The following OPRM1 variants were observed in gnomAD, a reference collection of about 807,000 sequenced individuals.
OPRM1 encodes the protein mu-type opioid receptor.
OPRM1 carries 27 observed loss-of-function variants against 31.8 expected under a neutral mutation model. That is an observed-to-expected ratio of 0.85 (90% CI 0.63 to 1.17). The LOEUF is 1.17. Among genes scored for constraint, OPRM1 ranks in the 50% most tolerant of loss-of-function variants. The probability of loss-of-function intolerance (pLI) is 0.00; values close to 1 mark genes in which losing one functional copy is unlikely to be tolerated. For synonymous variants in OPRM1, 196 were observed against 189.9 expected, an observed-to-expected ratio of 1.03 and a Z score of -0.26; for missense variants, 536 against 511.1, an observed-to-expected ratio of 1.05 and a Z score of -0.47.
chr6:154,065,575 T>A (rs1346521343), intron 1 of OPRM1, among the ~76,000 whole-genome samples: 1 of 152,248 alleles, frequency 6.6e-6, no homozygotes, highest in Non-Finnish European at 1.5e-5. Context: ...TCATTGTGAA[T>A]GTATAGAAAT....
chr6:154,180,777 T>C (rs1800806402), intron 3 of OPRM1, among the ~76,000 whole-genome samples: 1 of 152,232 alleles, frequency 6.6e-6, no homozygotes, highest in South Asian at 2.1e-4. Flanking sequence ...GGAATTCATA[T>C]GCCATATTTC....
intron 1 of OPRM1, among the ~76,000 whole-genome samples, chr6:154,040,370 TACC>T (rs1353660720): frequency 6.6e-6 from 1 of 152,172 alleles, no homozygotes; most frequent in Non-Finnish European, 1.5e-5. Flanking sequence ...TACTTCCCTG[TACC>T]ACAACCCCAC....
At chr6:154,207,178 G>A (rs1583797953) in intron 3 of OPRM1, among the ~76,000 whole-genome samples, 1 of 152,232 alleles carries the variant, frequency 6.6e-6, no homozygotes, top group African/African-American at 2.4e-5. Context: ...GAGAGGCTGG[G>A]GGAGAGCCAC....
At chr6:154,087,163 T>A in intron 1 of OPRM1, 4 of 985,418 alleles carry the variant, frequency 4.1e-6, no homozygotes, top group Non-Finnish European at 4.8e-6. Flanking sequence ...AATGTGGAGC[T>A]TTTCTGGCAG....
At chr6:154,115,222 C>CTTAG (rs2128521458) in intron 3 of OPRM1, among the ~76,000 whole-genome samples, 1 of 152,236 alleles carries the variant, frequency 6.6e-6, no homozygotes, top group Admixed American at 6.5e-5. Context: ...GAACCTAGTA[C>CTTAG]TTAGTCATTT....
intron 3 of OPRM1, among the ~76,000 whole-genome samples, chr6:154,240,522 G>GAA (rs11394579): frequency 0.018 from 2,689 of 146,542 alleles, 72 homozygotes; most frequent in African/African-American, 0.062. Context: ...TTCTTGAGCT[G>GAA]AAAAAAAAAA....
chr6:154,200,627 A>G (rs1006028023), intron 3 of OPRM1, among the ~76,000 whole-genome samples: 2 of 152,152 alleles, frequency 1.3e-5, no homozygotes, highest in Non-Finnish European at 2.9e-5. Context: ...AGACTGAGGC[A>G]GGAGAATCAC....
At chr6:154,230,873 A>G (rs1779662575) in intron 3 of OPRM1, among the ~76,000 whole-genome samples, 1 of 151,156 alleles carries the variant, frequency 6.6e-6, no homozygotes, top group Non-Finnish European at 1.5e-5. Context: ...TGAATTCAAG[A>G]AAAAAAAACA....
At chr6:154,067,503 A>G (rs1389075103) in intron 1 of OPRM1, among the ~76,000 whole-genome samples, 1 of 151,534 alleles carries the variant, frequency 6.6e-6, no homozygotes, top group Non-Finnish European at 1.5e-5. Context: ...ATTTTATCCA[A>G]TTTTGGTCAG....
intron 3 of OPRM1, chr6:154,107,970 T>A (rs982761888): frequency 1.2e-5 from 7 of 591,692 alleles, no homozygotes; most frequent in Admixed American, 3.0e-5. Flanking sequence ...TTTATTTTAT[T>A]TTATTTTATT....
chr6:154,072,238 TG>T (rs1258278467), intron 1 of OPRM1, among the ~76,000 whole-genome samples: 2 of 152,144 alleles, frequency 1.3e-5, no homozygotes, highest in Non-Finnish European at 2.9e-5. Flanking sequence ...TATATAAATG[TG>T]GCCGTTAGGA....
At chr6:154,031,833 G>A (rs1779027024) in intron 1 of OPRM1, among the ~76,000 whole-genome samples, 1 of 151,620 alleles carries the variant, frequency 6.6e-6, no homozygotes, top group Non-Finnish European at 1.5e-5. Context: ...GAAAGAGCAT[G>A]GCAAGTACAG....
chr6:154,139,134 C>T (rs73790442), intron 3 of OPRM1, among the ~76,000 whole-genome samples: 7,949 of 152,290 alleles, frequency 0.052, 689 homozygotes, highest in African/African-American at 0.18. Flanking sequence ...TGACCTCTGG[C>T]TTGGCCAGCT....
chr6:154,246,556 A>C, intron 3 of OPRM1: 1 of 1,581,544 alleles, frequency 6.3e-7, no homozygotes, highest in Admixed American at 1.8e-5. Flanking sequence ...CCCTCATTAA[A>C]ACGGCTGGGA....
chr6:154,016,704 CAT>C (rs1778023192), intron 1 of OPRM1, among the ~76,000 whole-genome samples: 1 of 152,132 alleles, frequency 6.6e-6, no homozygotes, highest in Non-Finnish European at 1.5e-5. Flanking sequence ...CAAATTTTGT[CAT>C]ATGACATTAA....
At chr6:154,180,403 T>C (rs1384948920) in intron 3 of OPRM1, among the ~76,000 whole-genome samples, 4 of 42,804 alleles carry the variant, frequency 9.3e-5, no homozygotes, top group Admixed American at 1.8e-4. Context: ...TATATATATA[T>C]ATATATATAT....
chr6:154,021,100 C>A (rs1025868647), intron 1 of OPRM1, among the ~76,000 whole-genome samples: 8 of 152,182 alleles, frequency 5.3e-5, no homozygotes, highest in African/African-American at 1.9e-4. Flanking sequence ...TAGCATTTTA[C>A]ATTTCTGTCT....
At chr6:154,243,298 G>T (rs770785838) in intron 3 of OPRM1, among the ~76,000 whole-genome samples, 74 of 152,188 alleles carry the variant, frequency 4.9e-4, no homozygotes, top group Non-Finnish European at 7.6e-4. Context: ...TACCAGCTTG[G>T]ATTTCTACGG....
intron 1 of OPRM1, among the ~76,000 whole-genome samples, chr6:154,020,985 A>T (rs1395785952): frequency 2.0e-5 from 3 of 152,204 alleles, no homozygotes; most frequent in Admixed American, 6.5e-5. Flanking sequence ...CTTATCAATT[A>T]TTTCCTTCAT....
Sources: allele counts gnomAD v4.1 joint callset (sites outside exome capture counted in the v4.1 genomes callset), GRCh38; gene constraint gnomAD v4.1.1; transcripts MANE v1.5; gene names NCBI Gene and HGNC (gene_info 2026-07-23, HGNC 2026-07-21).